STAG1: variants seen among roughly 807,000 people sequenced by gnomAD.
STAG1 encodes the protein cohesin subunit SA-1.
In STAG1, 26 loss-of-function variants were observed where a neutral mutation model predicts 170.9. The ratio of observed to expected loss-of-function variants is 0.15; its 90% CI spans 0.11 to 0.21. The LOEUF is 0.21. Ranked by LOEUF, STAG1 falls within the 10% of genes least tolerant of loss-of-function variation. The pLI is 1.00. For synonymous variants in STAG1, 514 were observed against 497.7 expected (o/e 1.03, Z -0.44); for missense variants, 964 against 1,509.5 (o/e 0.64, Z 5.99).
intron 12 of STAG1, among the ~76,000 whole-genome samples, chr3:136,470,839 T>C (rs1386506743): frequency 6.6e-6 from 1 of 152,058 alleles, no homozygotes; most frequent in Non-Finnish European, 1.5e-5. Flanking sequence ...TGTAGGGACA[T>C]GGATGAAGCT....
intron 13 of STAG1, among the ~76,000 whole-genome samples, chr3:136,461,358 C>T (rs1685894082): frequency 6.6e-6 from 1 of 152,074 alleles, no homozygotes; most frequent in Admixed American, 6.6e-5. Context: ...AAATAAAAGA[C>T]ATCCAAATTG....
chr3:136,427,299 T>C lies in STAG1; in HGVS notation c.1651-4255A>G, dbSNP rs147266706. Among the ~76,000 whole-genome samples, 375 of 152,124 alleles carry C rather than the reference T, an allele frequency of 2.5e-3. 1 individual carries two copies. The highest frequency in any genetic ancestry group is 8.5e-3 in the African/African-American group (351 of 41,504). ...AACTTTAGCACACATTCTACTACAA[T>C]AATATTGTACACATCTACTGTTGCT... On this transcript the variant is annotated intron_variant, in intron 16 of 33. Coordinates refer to ENST00000383202, the MANE Select transcript of STAG1 (RefSeq NM_005862.3).
intron 9 of STAG1, among the ~76,000 whole-genome samples, chr3:136,491,545 T>G (rs1226438670): frequency 6.6e-6 from 1 of 152,214 alleles, no homozygotes; most frequent in East Asian, 1.9e-4. Context: ...TATTTGCCAT[T>G]TATTTGTGGA....
chr3:136,438,785 T>A (rs1022777647), intron 15 of STAG1, among the ~76,000 whole-genome samples: 4 of 152,174 alleles, frequency 2.6e-5, no homozygotes, highest in African/African-American at 9.7e-5. Context: ...TAAATATTTT[T>A]AAATTATTAA....
At chr3:136,737,504 T>A (rs1576832213) in intron 1 of STAG1, among the ~76,000 whole-genome samples, 2 of 152,082 alleles carry the variant, frequency 1.3e-5, no homozygotes, top group East Asian at 3.9e-4. Flanking sequence ...TCCCAAAGTG[T>A]TGGGATTACA....
chr3:136,702,603 C>A (rs1238466660), intron 1 of STAG1, among the ~76,000 whole-genome samples: 1 of 152,020 alleles, frequency 6.6e-6, no homozygotes, highest in Non-Finnish European at 1.5e-5. Context: ...CCAGGCTAGT[C>A]TCGAACTCCT....
intron 1 of STAG1, among the ~76,000 whole-genome samples, chr3:136,751,011 TAA>T (rs1241583505): frequency 6.6e-6 from 1 of 152,226 alleles, no homozygotes; most frequent in Non-Finnish European, 1.5e-5. Context: ...AAATTCCAGA[TAA>T]GTTACAAATC....
chr3:136,689,657 T>C (rs1942650565), intron 1 of STAG1, among the ~76,000 whole-genome samples: 1 of 152,202 alleles, frequency 6.6e-6, no homozygotes, highest in Non-Finnish European at 1.5e-5. Flanking sequence ...CTGAAATCTC[T>C]TTCAGTGGGA....
At chr3:136,417,774 G>C (rs1300904551) in intron 21 of STAG1, 111 bp downstream of exon 21, 2 of 746,566 alleles carry the variant, frequency 2.7e-6, no homozygotes, top group African/African-American at 3.5e-5. Flanking sequence ...AAAAGAGGCA[G>C]CTGCCCTAAT....
At chr3:136,420,585 C>G (rs189505870) in intron 20 of STAG1, among the ~76,000 whole-genome samples, 1 of 152,254 alleles carries the variant, frequency 6.6e-6, no homozygotes, top group African/African-American at 2.4e-5. Flanking sequence ...TCTATTTTAT[C>G]TTTTTGTTGT....
chr3:136,380,443 T>C (rs1937891044), intron 22 of STAG1, among the ~76,000 whole-genome samples: 1 of 151,990 alleles, frequency 6.6e-6, no homozygotes, highest in African/African-American at 2.4e-5. Flanking sequence ...GTTTTCACCA[T>C]GTTGGCCAAG....
At chr3:136,637,189 C>T (rs567637068) in intron 1 of STAG1, among the ~76,000 whole-genome samples, 1 of 152,284 alleles carries the variant, frequency 6.6e-6, no homozygotes, top group South Asian at 2.1e-4. Context: ...AATAAAGTTC[C>T]AAACTCTTTT....
intron 7 of STAG1, among the ~76,000 whole-genome samples, chr3:136,503,373 C>T (rs1450263035): frequency 6.6e-6 from 1 of 152,180 alleles, no homozygotes; most frequent in Non-Finnish European, 1.5e-5. Context: ...CTATCCTCCC[C>T]AGCCACAGTG....
At chr3:136,382,731 A>AT (rs1222721124) in intron 22 of STAG1, among the ~76,000 whole-genome samples, 18 of 151,634 alleles carry the variant, frequency 1.2e-4, no homozygotes, top group Non-Finnish European at 2.1e-4. Flanking sequence ...TATTGTTATT[A>AT]TTTTTTCCCA....
At chr3:136,426,227 G>C (rs2088119117) in intron 16 of STAG1, among the ~76,000 whole-genome samples, 1 of 151,814 alleles carries the variant, frequency 6.6e-6, no homozygotes, top group Admixed American at 6.6e-5. Context: ...CTAACACAGT[G>C]AAACCCCGTC....
intron 22 of STAG1, among the ~76,000 whole-genome samples, chr3:136,378,264 T>C (rs545056244): frequency 8.5e-5 from 13 of 152,366 alleles, no homozygotes; most frequent in African/African-American, 2.6e-4. Flanking sequence ...TGTTCAGTTA[T>C]TGTATTAACT....
chr3:136,521,505 C>CT (rs1163869655), intron 6 of STAG1, 88 bp from the exon 7 acceptor site: 34 of 1,117,934 alleles, frequency 3.0e-5, no homozygotes, highest in Non-Finnish European at 4.4e-5. Context: ...CATAGGAACC[C>CT]TTTTTTGCAA....
chr3:136,511,908 G>A (rs556742542), intron 7 of STAG1, among the ~76,000 whole-genome samples: 1 of 146,966 alleles, frequency 6.8e-6, no homozygotes, highest in South Asian at 2.3e-4. Context: ...TGAGCAGAGA[G>A]CATTTAAAAT....
intron 29 of STAG1, 59 bp downstream of exon 29, chr3:136,349,099 A>G (rs2108267812): frequency 2.4e-6 from 3 of 1,231,340 alleles, no homozygotes; most frequent in South Asian, 2.4e-5. Flanking sequence ...AAGATTATTT[A>G]CTACTTTATC....
Sources: allele counts gnomAD v4.1 joint callset (sites outside exome capture counted in the v4.1 genomes callset), GRCh38; gene constraint gnomAD v4.1.1; transcripts MANE v1.5; gene names NCBI Gene and HGNC (gene_info 2026-07-23, HGNC 2026-07-21).